ZMYM6: variants seen among roughly 807,000 people sequenced by gnomAD.
ZMYM6 encodes zinc finger MYM-type protein 6.
In ZMYM6, 90 loss-of-function variants were observed where a neutral mutation model predicts 134.0. The ratio of observed to expected loss-of-function variants is 0.67; its 90% CI spans 0.57 to 0.80. The LOEUF (loss-of-function observed/expected upper bound fraction) is 0.80. ZMYM6 is among the 30% of genes least tolerant of loss of function. The probability of loss-of-function intolerance (pLI) is 0.00; values close to 1 mark genes in which losing one functional copy is unlikely to be tolerated. For missense variants in ZMYM6, 1,362 were observed against 1,533.9 expected, an observed-to-expected ratio of 0.89 and a Z score of 1.87; for synonymous variants, 481 against 524.1, an observed-to-expected ratio of 0.92 and a Z score of 1.12.
Position 34,988,198 on chromosome 1 carries a change from T to G in ZMYM6, c.2884A>C (p.Asn962His). 1 of 1,548,510 alleles carries G rather than the reference T, an allele frequency of 6.5e-7. No homozygotes were observed. Among genetic ancestry groups the G allele is most frequent in the Non-Finnish European group, 8.7e-7 (1 of 1,145,520 alleles). The change falls in exon 16 of 16, where the codon AAT becomes CAT. Residue 962 changes from asparagine to histidine, a missense_variant. Asn to His is a moderately conservative substitution (Grantham distance 68). Transcript: ENST00000357182. ...AGAGATTTACTATCAATATATTTATTTATTAGTTCAAATATTTCAAAGCCA... is the reference window on the plus strand; with the variant it reads ...AGAGATTTACTATCAATATATTTATGTATTAGTTCAAATATTTCAAAGCCA... ...ITGFEIFELI[N>H]KYIDSKSLNW...
chr1:34,990,673 A>G (rs1056853539), intron 15 of ZMYM6, among the ~76,000 whole-genome samples: 6 of 152,148 alleles, frequency 3.9e-5, no homozygotes, highest in African/African-American at 1.2e-4. Context: ...ATACACTGAA[A>G]TCTATGTTAA....
rs78333873 is a variant in ZMYM6, at chr1:34,993,292, T to C, written c.1993-905A>G. Reference sequence around the variant, plus strand: ...ACGCCTGGCTAATTTTTTATATTTTTAGTAGAGATGGTGTTTCACCATGTT... The same window carrying C: ...ACGCCTGGCTAATTTTTTATATTTTCAGTAGAGATGGTGTTTCACCATGTT... On this transcript the variant is annotated intron_variant, in intron 14 of 15. Coordinates refer to ENST00000357182, the MANE Select transcript of ZMYM6 (RefSeq NM_007167.4). Among the ~76,000 whole-genome samples, 22 of 152,118 alleles carry C rather than the reference T, an allele frequency of 1.4e-4. No individual in the cohort carries two copies. In the East Asian group the frequency reaches 3.9e-3, roughly 27 times the overall value.
Position 34,987,918 on chromosome 1 carries a change from T to A in ZMYM6, c.3164A>T (p.Glu1055Val). The A allele has an allele frequency of 6.4e-7, 1 of 1,551,702 alleles. No homozygotes were observed. Among genetic ancestry groups the A allele is most frequent in the Non-Finnish European group, 8.7e-7 (1 of 1,146,982 alleles). The change falls in exon 16 of 16, where the codon GAA (glutamate) becomes GTA (valine). Residue 1055 changes from glutamate (E) to valine (V), a missense_variant. By Grantham distance (121) the Glu-to-Val change is moderately radical. This residue lies in a region of ZMYM6 where 824 missense variants were observed against 940.9 expected (regional missense o/e 0.88). Transcript: ENST00000357182. ...LNSRMLTILC[E>V]EMGSEHVSLP... ...ACTCACATGCTCAGATCCCATCTCT[T>A]CACACAAAATTGTTAACATACGTGA... is the stretch of plus-strand genomic sequence containing the variant.
At chr1:35,013,146 CTGAA>C in intron 6 of ZMYM6, 2 of 829,020 alleles carry the variant, frequency 2.4e-6, no homozygotes, top group Non-Finnish European at 2.9e-6. Context: ...TTATAACTTA[CTGAA>C]TGCTTACCAT....
At chr1:35,021,202 G>A (rs1034038440) in intron 2 of ZMYM6, among the ~76,000 whole-genome samples, 15 of 150,248 alleles carry the variant, frequency 1.0e-4, no homozygotes, top group African/African-American at 2.9e-4. Context: ...GTGCAATGGC[G>A]TGATCTTGGC....
Position 34,986,523 on chromosome 1 carries a change from C to G in ZMYM6, c.*581G>C. On this transcript the variant is annotated 3_prime_UTR_variant, in exon 16 of 16. Transcript: ENST00000357182. ...GTCAGGAGATAGAGACCAGCCTGAC[C>G]AATATGGTGAAACCCCGTCTCTACT... 1 of 152,090 alleles carries G rather than the reference C, an allele frequency of 6.6e-6. No individual in the cohort carries two copies. The highest frequency in any genetic ancestry group is 1.9e-4 in the East Asian group (1 of 5,184). The allele number at this position is 152,090 out of a possible 1,614,324, so 9.4% of individuals were successfully genotyped here. A position where few individuals can be genotyped will look rare whatever the true frequency, so the allele number is the denominator to read the frequency against.
Position 34,987,855 on chromosome 1 carries a change from C to T in ZMYM6, c.3227G>A (p.Gly1076Glu). 6.4e-7 allele frequency: 1 copy of T among 1,551,122 alleles called. No individual in the cohort carries two copies. Among genetic ancestry groups the T allele is most frequent in the Non-Finnish European group, 8.7e-7 (1 of 1,146,816 alleles). Residue 1076 changes from glycine (G) to glutamate (E), a missense_variant, in exon 16 of 16, where the codon GGG (glycine) becomes GAG (glutamate). Physicochemically the swap from Gly to Glu is moderately conservative, Grantham distance 98. Around this residue, in one of 3 missense-constraint regions of ZMYM6, gnomAD observed 824 missense variants for 940.9 expected, o/e 0.88. Transcript: ENST00000357182. The stretch of plus-strand genomic sequence containing the variant: ...TTCAAATAATCTTTTTAACATTCTC[C>T]CTCTTGATATCCAACGTACTTCAGC... ...LHAEVRWISR[G>E]RMLKRLFELR...
rs1640608393 is a variant in ZMYM6 at position 34,988,346 on chromosome 1, T to C, written c.2736A>G (p.Ile912Met). Reference sequence around the variant, plus strand: ...TATTTGAGATTTCTGATGACTCATCTATCTGAAGGGCAAACCACTTTGACT... The same window carrying C: ...TATTTGAGATTTCTGATGACTCATCCATCTGAAGGGCAAACCACTTTGACT... ...VRESKWFALQIDESSEISNIT... is the reference protein window; with the variant it reads ...VRESKWFALQMDESSEISNIT... The change falls in exon 16 of 16, where the codon ATA becomes ATG. Residue 912 changes from isoleucine (I) to methionine (M), a missense_variant. This residue lies in a region of ZMYM6 where 824 missense variants were observed against 940.9 expected (regional missense o/e 0.88). Transcript: ENST00000357182. 1 of 1,551,490 alleles carries C rather than the reference T, an allele frequency of 6.4e-7. No homozygotes were observed. The highest frequency in any genetic ancestry group is 2.0e-5 in the Admixed American group (1 of 50,978).
intron 11 of ZMYM6, 75 bp downstream of exon 11, chr1:35,008,677 A>T: frequency 6.6e-7 from 1 of 1,505,224 alleles, no homozygotes; most frequent in Non-Finnish European, 8.9e-7. Context: ...TTCTTCACAT[A>T]ATTTGAATAC....
At chr1:35,021,485 T>C (rs967184643) in intron 2 of ZMYM6, among the ~76,000 whole-genome samples, 9 of 151,872 alleles carry the variant, frequency 5.9e-5, no homozygotes, top group Non-Finnish European at 8.8e-5. Context: ...CTGGGCGTGG[T>C]GGCTCACACC....
In ZMYM6 at chr1:35,011,950, T is replaced by C. The variant is rs35847987; in HGVS notation, c.1002A>G (p.Leu334=). 0.014 allele frequency: 21,976 copies of C among 1,610,972 alleles called. 1,461 individuals are homozygous for C. The African/African-American group carries it at 0.19, about 14-fold the overall frequency. Residue 334 remains leucine (L), a synonymous_variant, in exon 8 of 16, where the codon CTA becomes CTG. Transcript: ENST00000357182. The part of the protein sequence containing the change: ...CKTSAIPQYH[L]AMSNGTIYSF... ...TGTATATAGTTCCATTTGACATGGC[T>C]AGGTGATACTGAGGGATTGCTGAGG...
In ZMYM6 at chr1:34,987,028, G is replaced by A. The variant is rs1245575979; in HGVS notation, c.*76C>T. On this transcript the variant is annotated 3_prime_UTR_variant, in exon 16 of 16. Transcript: ENST00000357182. ...CACTGAAAACACAAATCCACATTAG[G>A]AAATTATCTTTTAGGATACTTATAC... The A allele has an allele frequency of 6.5e-6, 7 of 1,078,222 alleles. No homozygotes were observed. The South Asian group carries it at 9.6e-5, about 15-fold the overall frequency. 66.8% of individuals were successfully genotyped at this position (1,078,222 alleles called of 1,614,324 possible).
chr1:35,020,533 C>A (rs1241710783), intron 2 of ZMYM6, 66 bp from the exon 3 acceptor site: 42 of 952,466 alleles, frequency 4.4e-5, no homozygotes, highest in African/African-American at 1.7e-4. Flanking sequence ...ACTAGAAATT[C>A]AAGCAAAAAA....
At position 35,011,020 on chromosome 1, in the gene ZMYM6, G is replaced by A; in HGVS notation, c.1079C>T (p.Pro360Leu). ...CACCGCCGAAGAGTTTGTTCCTTTT[G>A]GCTTGCTAAATACATTCTGAATGAA... The part of the protein sequence containing the change: ...VVAFQNVFSK[P>L]KGTNSSAVPL... The change falls in exon 9 of 16, where the codon CCA (proline) becomes CTA (leucine). Residue 360 changes from proline to leucine, a missense_variant. Around this residue, in one of 3 missense-constraint regions of ZMYM6, gnomAD observed 503 missense variants for 520.8 expected, o/e 0.97. Coordinates refer to ENST00000357182, the MANE Select transcript of ZMYM6 (RefSeq NM_007167.4). 1.2e-6 allele frequency: 2 copies of A among 1,613,268 alleles called. No homozygotes were observed. Among genetic ancestry groups the A allele is most frequent in the Non-Finnish European group, 1.7e-6 (2 of 1,179,874 alleles).
chr1:35,023,476 G>A (rs1057471069), intron 2 of ZMYM6, among the ~76,000 whole-genome samples: 1 of 152,000 alleles, frequency 6.6e-6, no homozygotes, highest in Non-Finnish European at 1.5e-5. Flanking sequence ...CTAAATGAAG[G>A]AATCTAAGTC....
intron 14 of ZMYM6, among the ~76,000 whole-genome samples, chr1:34,994,842 A>G (rs1640746843): frequency 6.6e-6 from 1 of 151,320 alleles, no homozygotes; most frequent in South Asian, 2.1e-4. Flanking sequence ...TGCCGGGAAT[A>G]TGTTCCAAGA....
In ZMYM6 at chr1:35,013,519, T is replaced by C. The variant is rs60522091; in HGVS notation, c.796-938A>G. ...TATAAAATAACATGGATTCTTTTCC[T>C]GTGAAAGTAGAACCAGACTGCCAAA... On this transcript the variant is annotated intron_variant, in intron 6 of 15. Transcript: ENST00000357182. The C allele has an allele frequency of 3.9e-3, 3,806 of 985,386 alleles. 114 individuals are homozygous for C. In the African/African-American group the frequency reaches 0.062, roughly 16 times the overall value. The allele number at this position is 985,386 out of a possible 1,614,324, so 61.0% of individuals were successfully genotyped here. A position where few individuals can be genotyped will look rare whatever the true frequency, so the allele number is the denominator to read the frequency against.
intron 10 of ZMYM6, among the ~76,000 whole-genome samples, chr1:35,009,757 AC>A (rs979230267): frequency 9.9e-5 from 15 of 151,016 alleles, no homozygotes; most frequent in Admixed American, 4.0e-4. Context: ...ACATGGTGAA[AC>A]CCCCCGTCTC....
chr1:35,023,723 G>A (rs939209768), intron 2 of ZMYM6, among the ~76,000 whole-genome samples: 10 of 151,152 alleles, frequency 6.6e-5, no homozygotes, highest in East Asian at 2.0e-4. Flanking sequence ...CCAGGTTCAC[G>A]ACATTCTCCT....
Sources: gnomAD v4.1 joint callset for allele counts (sites outside exome capture counted in the v4.1 genomes callset) on GRCh38, gnomAD v4.1.1 for gene constraint, gnomAD v4.1.1 regional missense constraint, MANE v1.5 for transcripts, NCBI Gene and HGNC (gene_info 2026-07-23, HGNC 2026-07-21) for gene names.